The following FZD6 variants were observed in gnomAD, a reference collection of about 807,000 sequenced individuals.
The protein encoded by FZD6 is frizzled-6.
In FZD6, 49 loss-of-function variants were observed where a neutral mutation model predicts 61.4. The ratio of observed to expected loss-of-function variants is 0.80; its 90% CI spans 0.63 to 1.01. The LOEUF (loss-of-function observed/expected upper bound fraction) is 1.01. Ranked by LOEUF, FZD6 falls within the 50% of genes least tolerant of loss-of-function variation. FZD6 has a pLI of 0.00. For synonymous variants in FZD6, 265 were observed against 292.2 expected, an observed-to-expected ratio of 0.91 and a Z score of 0.95; for missense variants, 724 against 848.2, an observed-to-expected ratio of 0.85 and a Z score of 1.82.
chr8:103,324,605 A>T lies in FZD6; in HGVS notation c.499A>T (p.Thr167Ser), dbSNP rs1814885425. ...ATTTTGGTGTCCAAGGCATCTTAAGACTTCTGGGGGACAAGGATATAAGTT... is the reference window on the plus strand; with the variant it reads ...ATTTTGGTGTCCAAGGCATCTTAAGTCTTCTGGGGGACAAGGATATAAGTT... ...IGFWCPRHLK[T>S]SGGQGYKFLG... Residue 167 changes from threonine (T) to serine (S), a missense_variant, in exon 4 of 7, where the codon ACT (threonine) becomes TCT (serine). By Grantham distance (58) the Thr-to-Ser change is moderately conservative. Transcript: ENST00000358755. 2 of 1,614,142 alleles carry T rather than the reference A, an allele frequency of 1.2e-6. No individual in the cohort carries two copies. The highest frequency in any genetic ancestry group is 1.3e-5 in the African/African-American group (1 of 75,056).
chr8:103,329,620 A>T, intron 5 of FZD6, 35 bp from the exon 6 acceptor site: 1 of 1,514,782 alleles, frequency 6.6e-7, no homozygotes, highest in Non-Finnish European at 9.2e-7. Context: ...CACACTTCTA[A>T]TTTGAGTAAA....
chr8:103,303,908 A>G (rs1222713818), intron 2 of FZD6, among the ~76,000 whole-genome samples: 3 of 139,670 alleles, frequency 2.1e-5, no homozygotes, highest in Non-Finnish European at 4.6e-5. Context: ...CCGTTGGATT[A>G]TAAGCTATAT....
chr8:103,303,658 A>T (rs1190242010), intron 2 of FZD6, among the ~76,000 whole-genome samples: 2 of 152,182 alleles, frequency 1.3e-5, no homozygotes, highest in Admixed American at 6.5e-5. Flanking sequence ...AAATCTTTAC[A>T]TTCCACTTCT....
At chr8:103,328,133 T>G (rs1402850790) in intron 4 of FZD6, 135 bp from the exon 5 acceptor site, 13 of 675,826 alleles carry the variant, frequency 1.9e-5, no homozygotes, top group African/African-American at 5.4e-5. Flanking sequence ...AGAGCATGCT[T>G]CATTATATTA....
At position 103,331,374 on chromosome 8, in the gene FZD6, C is replaced by G. The variant is rs770720684; in HGVS notation, c.1986C>G (p.Gly662=). ...ISPKSDITDT[G]LAQSNNLQVP... ...CAAAGAGTGATATTACTGACACTGG[C>G]CTGGCACAGAGCAACAATTTGCAGG... Residue 662 remains glycine, a synonymous_variant, in exon 7 of 7, where the codon GGC becomes GGG. Transcript: ENST00000358755. 1 of 1,612,482 alleles carries G rather than the reference C, an allele frequency of 6.2e-7. No homozygotes were observed. Among genetic ancestry groups the G allele is most frequent in the Non-Finnish European group, 8.5e-7 (1 of 1,178,592 alleles).
chr8:103,311,470 GT>G (rs1814494292), intron 2 of FZD6, among the ~76,000 whole-genome samples: 1 of 151,994 alleles, frequency 6.6e-6, no homozygotes, highest in Admixed American at 6.6e-5. Context: ...GGGAACAGTG[GT>G]TCATACCTGT....
At position 103,331,416 on chromosome 8, in the gene FZD6, A is replaced by T; in HGVS notation, c.2028A>T (p.Glu676Asp). 1 of 1,610,898 alleles carries T rather than the reference A, an allele frequency of 6.2e-7. No individual in the cohort carries two copies. Among genetic ancestry groups the T allele is most frequent in the Non-Finnish European group, 8.5e-7 (1 of 1,177,088 alleles). The change falls in exon 7 of 7, where the codon GAA (glutamate) becomes GAT (aspartate). Residue 676 changes from glutamate (E) to aspartate (D), a missense_variant. Glu to Asp is a conservative substitution (Grantham distance 45). Transcript: ENST00000358755. ...SNNLQVPSSS[E>D]PSSLKGSTSL... ...ATTTGCAGGTCCCCAGTTCTTCAGA[A>T]CCAAGCAGCCTCAAAGGTTCCACAT...
Position 103,328,406 on chromosome 8 carries a change from C to T in FZD6, c.1531C>T (p.Arg511Cys), listed in dbSNP as rs151339003. The T allele has an allele frequency of 5.0e-6, 8 of 1,610,856 alleles. No homozygotes were observed. Among genetic ancestry groups the T allele is most frequent in the Non-Finnish European group, 6.8e-6 (8 of 1,177,370 alleles). Residue 511 changes from arginine to cysteine, a missense_variant, in exon 5 of 7, where the codon CGC becomes TGC. By Grantham distance (180) the Arg-to-Cys change is radical. Coordinates refer to ENST00000358755, the MANE Select transcript of FZD6 (RefSeq NM_003506.4). ...TEWAGFFKRN[R>C]KRDPISESRR... Reference sequence around the variant, plus strand: ...ATGGGCTGGGTTTTTTAAACGAAATCGCAAGAGAGAGTAAGAAACTATTGA... The same window carrying T: ...ATGGGCTGGGTTTTTTAAACGAAATTGCAAGAGAGAGTAAGAAACTATTGA...
At chr8:103,307,384 T>A (rs890881232) in intron 2 of FZD6, among the ~76,000 whole-genome samples, 1 of 152,182 alleles carries the variant, frequency 6.6e-6, no homozygotes, top group Non-Finnish European at 1.5e-5. Context: ...CAACAAATAT[T>A]TGAATGCCTA....
intron 3 of FZD6, 108 bp downstream of exon 3, chr8:103,318,894 TAC>T (rs960693629): frequency 2.7e-6 from 2 of 749,208 alleles, no homozygotes; most frequent in African/African-American, 3.5e-5. Context: ...AAATGTTTAT[TAC>T]ACACTTAATA....
chr8:103,324,831 G>A lies in FZD6; in HGVS notation c.725G>A (p.Ser242Asn), dbSNP rs1194639978. ...ATTATATATTACTCTGTCTGTTACAGCATTGTATCTCTTATGTACTTCATT... is the reference window on the plus strand; with the variant it reads ...ATTATATATTACTCTGTCTGTTACAACATTGTATCTCTTATGTACTTCATT... ...RPIIYYSVCY[S>N]IVSLMYFIGF... Residue 242 changes from serine to asparagine, a missense_variant, in exon 4 of 7, where the codon AGC (serine) becomes AAC (asparagine). Ser to Asn is a conservative substitution (Grantham distance 46, BLOSUM62 1). Coordinates refer to ENST00000358755, the MANE Select transcript of FZD6 (RefSeq NM_003506.4). The A allele has an allele frequency of 1.9e-6, 3 of 1,613,222 alleles. No individual in the cohort carries two copies. Among genetic ancestry groups the A allele is most frequent in the Admixed American group, 1.7e-5 (1 of 59,972 alleles).
chr8:103,330,162 T>C, intron 6 of FZD6, 97 bp downstream of exon 6: 1 of 1,125,952 alleles, frequency 8.9e-7, no homozygotes, highest in Non-Finnish European at 1.3e-6. Context: ...TTTTGTGATA[T>C]ATTATGTCTG....
At chr8:103,309,583 T>C (rs1435151413) in intron 2 of FZD6, among the ~76,000 whole-genome samples, 1 of 152,200 alleles carries the variant, frequency 6.6e-6, no homozygotes, top group Admixed American at 6.5e-5. Context: ...CCTCTAATGG[T>C]TTTTGTTTGG....
At chr8:103,325,811 G>A (rs189906424) in intron 4 of FZD6, among the ~76,000 whole-genome samples, 1 of 152,288 alleles carries the variant, frequency 6.6e-6, no homozygotes, top group Non-Finnish European at 1.5e-5. Flanking sequence ...AAAAACAGAA[G>A]TCACTTTTGT....
At chr8:103,299,506 G>GA (rs1814087516) in intron 1 of FZD6, among the ~76,000 whole-genome samples, 1 of 152,166 alleles carries the variant, frequency 6.6e-6, no homozygotes, top group South Asian at 2.1e-4. Context: ...TACATACCCA[G>GA]AAGACTGCCA....
chr8:103,310,580 C>T (rs1814467825), intron 2 of FZD6, among the ~76,000 whole-genome samples: 1 of 152,092 alleles, frequency 6.6e-6, no homozygotes, highest in Admixed American at 6.6e-5. Flanking sequence ...TTTTACTTCC[C>T]ACCTTGAGTC....
At chr8:103,305,222 A>G (rs904448832) in intron 2 of FZD6, among the ~76,000 whole-genome samples, 1 of 152,186 alleles carries the variant, frequency 6.6e-6, no homozygotes, top group Non-Finnish European at 1.5e-5. Context: ...TTCTTTTTCA[A>G]TTGCCTTCAT....
chr8:103,325,122 CT>C lies in FZD6; in HGVS notation c.1017del (p.Val340LeufsTer6). The C allele has an allele frequency of 6.2e-7, 1 of 1,614,166 alleles. No individual in the cohort carries two copies. Among genetic ancestry groups the C allele is most frequent in the Admixed American group, 1.7e-5 (1 of 60,022 alleles). ...AVAWGTPGFL[T>X]VMLLAMNKVE... ...GCATGGGGAACACCAGGTTTCCTGA[CT>C]GTTATGCTTCTTGCTATGAACAAAG... On this transcript the variant is annotated frameshift_variant, in exon 4 of 7. Transcript: ENST00000358755. LOFTEE classifies it high-confidence loss of function.
chr8:103,308,821 G>A (rs930644090), intron 2 of FZD6, among the ~76,000 whole-genome samples: 4 of 152,144 alleles, frequency 2.6e-5, no homozygotes, highest in African/African-American at 9.7e-5. Flanking sequence ...ATCTCTAGAT[G>A]TTCTCTCCTG....
Sources: allele counts gnomAD v4.1 joint callset (sites outside exome capture counted in the v4.1 genomes callset), GRCh38; gene constraint gnomAD v4.1.1; transcripts MANE v1.5; gene names NCBI Gene and HGNC (gene_info 2026-07-23, HGNC 2026-07-21).